The following ZNF81 variants were observed in gnomAD, a reference collection of about 807,000 sequenced individuals.
ZNF81 encodes zinc finger protein 81 (HFZ20).
Under a neutral mutation model 32.3 loss-of-function variants are expected in ZNF81, and 5 were observed. The ratio of observed to expected loss-of-function variants is 0.15; its 90% confidence interval spans 0.08 to 0.33. ZNF81 has a LOEUF of 0.33. Ranked by LOEUF, ZNF81 falls within the 10% of genes least tolerant of loss-of-function variation. The pLI, the probability that ZNF81 is intolerant of heterozygous loss-of-function variation, is 1.00. For synonymous variants in ZNF81, 163 were observed against 166.8 expected, an observed-to-expected ratio of 0.98 and a Z score of 0.17; for missense variants, 379 against 479.8, an observed-to-expected ratio of 0.79 and a Z score of 1.96.
chrX:47,873,666 G>GTTTGT (rs1194378567), intron 2 of ZNF81, among the ~76,000 whole-genome samples: 4 of 111,400 alleles, frequency 3.6e-5, no homozygotes, highest in African/African-American at 6.5e-5. Flanking sequence ...TTGTTTGTTT[G>GTTTGT]TTTGTTTTGT....
intron 4 of ZNF81, among the ~76,000 whole-genome samples, chrX:47,899,544 GT>G (rs1248360082): frequency 9.1e-6 from 1 of 110,192 alleles, no homozygotes; most frequent in Non-Finnish European, 1.9e-5. Flanking sequence ...GAGTGATTTG[GT>G]TCATGGTTTT....
chrX:47,861,807 A>G (rs1310906703), intron 2 of ZNF81, among the ~76,000 whole-genome samples: 1 of 112,358 alleles, frequency 8.9e-6, no homozygotes, highest in Non-Finnish European at 1.9e-5. Context: ...AGGTAACATG[A>G]TGTATTAATA....
At chrX:47,891,514 T>C (rs2058662139) in intron 3 of ZNF81, among the ~76,000 whole-genome samples, 1 of 112,370 alleles carries the variant, frequency 8.9e-6, no homozygotes, top group South Asian at 3.6e-4. Context: ...CTCTAGTGGC[T>C]TCACTTGGCC....
At chrX:47,882,988 T>TCAAAAA (rs782091148) in intron 2 of ZNF81, among the ~76,000 whole-genome samples, 24 of 112,632 alleles carry the variant, frequency 2.1e-4, no homozygotes, top group East Asian at 5.6e-4. Context: ...AGACTCTGTC[T>TCAAAAA]CAAAAACAAA....
intron 4 of ZNF81, among the ~76,000 whole-genome samples, chrX:47,904,666 G>C (rs1348508506): frequency 9.0e-6 from 1 of 111,604 alleles, no homozygotes; most frequent in African/African-American, 3.3e-5. Context: ...GATTCCTCAG[G>C]GATCTAGAAC....
intron 1 of ZNF81, chrX:47,840,858 A>G (rs2058446359): frequency 2.5e-6 from 1 of 397,685 alleles, no homozygotes. Context: ...AAGATAAAGC[A>G]GGAGATAAAC....
intron 2 of ZNF81, among the ~76,000 whole-genome samples, chrX:47,876,965 A>C (rs2058602182): frequency 1.8e-5 from 2 of 111,880 alleles, no homozygotes; most frequent in South Asian, 7.5e-4. Context: ...AGTGGCTTGC[A>C]TGTCTCACTA....
At chrX:47,889,626 T>C (rs73632369) in intron 3 of ZNF81, among the ~76,000 whole-genome samples, 2,218 of 112,172 alleles carry the variant, frequency 0.02, 60 homozygotes, top group African/African-American at 0.069. Context: ...CTCACATTGC[T>C]ATAAAGAAAT....
At position 47,922,898 on chromosome X, in the gene ZNF81, A is replaced by G. The variant is rs2058781504; in HGVS notation, c.*6266A>G. 9.0e-6 allele frequency among the ~76,000 whole-genome samples: 1 copy of G among 110,991 alleles called. No homozygotes were observed. Among genetic ancestry groups the G allele is most frequent in the Admixed American group, 9.6e-5 (1 of 10,431 alleles). Reference sequence around the variant, plus strand: ...GCTTCAGGTGTTATTTGGCTTATAGATGCATTATTCCTGTCAGATGGCTGT... The same window carrying G: ...GCTTCAGGTGTTATTTGGCTTATAGGTGCATTATTCCTGTCAGATGGCTGT... On this transcript the variant is annotated 3_prime_UTR_variant, in exon 5 of 5. Transcript: ENST00000338637.
intron 3 of ZNF81, among the ~76,000 whole-genome samples, chrX:47,890,568 T>C (rs782518719): frequency 2.7e-5 from 3 of 112,048 alleles, no homozygotes; most frequent in Admixed American, 1.9e-4. Flanking sequence ...CTGTCTGCCA[T>C]TGTCACTTCA....
chrX:47,888,187 A>G, intron 3 of ZNF81, 62 bp downstream of exon 3: 2 of 1,171,013 alleles, frequency 1.7e-6, no homozygotes, highest in South Asian at 1.9e-5. Flanking sequence ...GTGCCCCCAA[A>G]TAAAATATGT....
chrX:47,842,999 A>G (rs1361872248), intron 1 of ZNF81, among the ~76,000 whole-genome samples: 1 of 112,046 alleles, frequency 8.9e-6, no homozygotes, highest in Non-Finnish European at 1.9e-5. Flanking sequence ...GCAGTATTAA[A>G]ATGCATTGCT....
At chrX:47,852,150 G>C (rs1226842858) in intron 2 of ZNF81, among the ~76,000 whole-genome samples, 2 of 112,474 alleles carry the variant, frequency 1.8e-5, no homozygotes, top group East Asian at 5.5e-4. Context: ...TCTAAAAACA[G>C]TGTATATACC....
Position 47,923,115 on chromosome X carries a change from G to A in ZNF81, c.*6483G>A, listed in dbSNP as rs1467542996. The stretch of plus-strand genomic sequence containing the variant: ...AGGTTCTGGGGATTAGGATTTCCAC[G>A]TATCTTTTTTGCAGGTACACAGTTC... On this transcript the variant is annotated 3_prime_UTR_variant, in exon 5 of 5. Coordinates refer to ENST00000338637, the MANE Select transcript of ZNF81 (RefSeq NM_007137.5). Among the ~76,000 whole-genome samples the A allele has an allele frequency of 1.8e-5, 2 of 111,621 alleles. No homozygotes were observed. Among genetic ancestry groups the A allele is most frequent in the African/African-American group, 6.5e-5 (2 of 30,663 alleles).
intron 4 of ZNF81, among the ~76,000 whole-genome samples, chrX:47,904,887 A>G (rs1392393056): frequency 2.7e-5 from 3 of 111,861 alleles, no homozygotes; most frequent in African/African-American, 9.7e-5. Flanking sequence ...GCAGCCATAA[A>G]AAATGATGAG....
intron 1 of ZNF81, among the ~76,000 whole-genome samples, chrX:47,843,464 CAT>C (rs797040813): frequency 1.5e-4 from 16 of 110,064 alleles, no homozygotes; most frequent in South Asian, 7.8e-4. Context: ...CACACACACA[CAT>C]TCTTGACTCC....
intron 4 of ZNF81, among the ~76,000 whole-genome samples, chrX:47,901,906 G>T (rs1556888059): frequency 1.8e-5 from 2 of 111,245 alleles, no homozygotes; most frequent in African/African-American, 6.5e-5. Flanking sequence ...ATTTTTCAGT[G>T]TTCACGTCTC....
At chrX:47,888,209 T>C in intron 3 of ZNF81, 84 bp downstream of exon 3, 1 of 1,112,664 alleles carries the variant, frequency 9.0e-7, no homozygotes, top group Non-Finnish European at 1.2e-6. Context: ...GAAGTCCTAA[T>C]ACCCCAGCCC....
chrX:47,881,417 A>G (rs1426487959), intron 2 of ZNF81, among the ~76,000 whole-genome samples: 1 of 111,772 alleles, frequency 8.9e-6, no homozygotes, highest in Non-Finnish European at 1.9e-5. Context: ...TTCACCTACA[A>G]CTGTCTTGGT....
Sources: allele counts gnomAD v4.1 joint callset (sites outside exome capture counted in the v4.1 genomes callset), GRCh38; gene constraint gnomAD v4.1.1; transcripts MANE v1.5; gene names NCBI Gene and HGNC (gene_info 2026-07-23, HGNC 2026-07-21).